The following DPP10 variants were observed in gnomAD, a reference collection of about 807,000 sequenced individuals.
DPP10 encodes the protein inactive dipeptidyl peptidase 10.
DPP10 carries 33 observed loss-of-function variants against 120.9 expected under a neutral mutation model. The ratio of observed to expected loss-of-function variants is 0.27; its 90% CI spans 0.21 to 0.37. The LOEUF (loss-of-function observed/expected upper bound fraction) is 0.37. DPP10 is among the 10% of genes least tolerant of loss of function. The pLI, the probability that DPP10 is intolerant of heterozygous loss-of-function variation, is 1.00. For synonymous variants in DPP10, 337 were observed against 326.1 expected, an observed-to-expected ratio of 1.03 and a Z score of -0.36; for missense variants, 816 against 942.8, an observed-to-expected ratio of 0.87 and a Z score of 1.76.
intron 1 of DPP10, among the ~76,000 whole-genome samples, chr2:114,445,936 C>G (rs1488351488): frequency 6.6e-6 from 1 of 152,134 alleles, no homozygotes; most frequent in Non-Finnish European, 1.5e-5. Flanking sequence ...ACTCTGAAAA[C>G]TTTCCTCCAT....
At position 115,162,336 on chromosome 2, in the gene DPP10, C is replaced by T. The variant is rs958709171; in HGVS notation, c.61-146903C>T. On this transcript the variant is annotated intron_variant, in intron 1 of 25. Transcript: ENST00000410059. ...GCCCACCGAGGGAGGGAGAGGCGGC[C>T]GGGACCAAGGAATGGGGCCTCTTGG... 2.8e-6 allele frequency: 4 copies of T among 1,446,466 alleles called. No individual in the cohort carries two copies. In the African/African-American group the frequency reaches 6.0e-5, roughly 22 times the overall value. The allele number at this position is 1,446,466 out of a possible 1,614,324, so 89.6% of individuals were successfully genotyped here.
chr2:115,455,517 T>TAAGCAAA (rs978594224), intron 3 of DPP10, among the ~76,000 whole-genome samples: 11 of 152,104 alleles, frequency 7.2e-5, no homozygotes, highest in Non-Finnish European at 1.0e-4. Flanking sequence ...AAGACAATCC[T>TAAGCAAA]AAGCAAAAAG....
chr2:115,682,311 G>A (rs2090716092), intron 5 of DPP10, among the ~76,000 whole-genome samples: 1 of 151,866 alleles, frequency 6.6e-6, no homozygotes, highest in Non-Finnish European at 1.5e-5. Context: ...AATTAATGAG[G>A]AGAGGTCTGG....
intron 1 of DPP10, among the ~76,000 whole-genome samples, chr2:115,207,787 C>CA (rs1559240819): frequency 6.8e-6 from 1 of 147,514 alleles, no homozygotes. Context: ...TTGGAGGATT[C>CA]TTTTTTTTTT....
chr2:115,349,994 G>C (rs2063921889), intron 3 of DPP10, among the ~76,000 whole-genome samples: 1 of 152,020 alleles, frequency 6.6e-6, no homozygotes, highest in Non-Finnish European at 1.5e-5. Flanking sequence ...CAAACTGATA[G>C]TTAAATAAAA....
At chr2:114,668,645 A>G (rs1052356587) in intron 1 of DPP10, among the ~76,000 whole-genome samples, 5 of 152,194 alleles carry the variant, frequency 3.3e-5, no homozygotes, top group African/African-American at 1.2e-4. Context: ...AGCCTAAGGT[A>G]AAACCTGATA....
chr2:115,745,069 G>T (rs999020295), intron 9 of DPP10, among the ~76,000 whole-genome samples: 1 of 150,146 alleles, frequency 6.7e-6, no homozygotes. Flanking sequence ...CATTCCAATT[G>T]CTTGAAATAT....
At chr2:114,768,254 C>T (rs549822759) in intron 1 of DPP10, among the ~76,000 whole-genome samples, 1 of 150,788 alleles carries the variant, frequency 6.6e-6, no homozygotes. Flanking sequence ...TCACAAAAGA[C>T]TTCCACCAAA....
At chr2:115,066,244 T>C (rs1706827680) in intron 1 of DPP10, among the ~76,000 whole-genome samples, 1 of 152,192 alleles carries the variant, frequency 6.6e-6, no homozygotes, top group African/African-American at 2.4e-5. Flanking sequence ...ATATTATTCT[T>C]TGCCAATTAT....
intron 5 of DPP10, among the ~76,000 whole-genome samples, chr2:115,634,336 A>G (rs1376680388): frequency 6.6e-6 from 1 of 152,048 alleles, no homozygotes; most frequent in East Asian, 1.9e-4. Context: ...CATCTTCAGG[A>G]GTTTATCCAG....
intron 1 of DPP10, among the ~76,000 whole-genome samples, chr2:115,090,039 CT>C (rs764418463): frequency 0.016 from 2,205 of 142,028 alleles, 36 homozygotes; most frequent in Admixed American, 0.039. Flanking sequence ...TGGGTCATTC[CT>C]TTTTTTTTTT....
chr2:115,597,938 C>A (rs2083086573), intron 5 of DPP10, among the ~76,000 whole-genome samples: 1 of 151,864 alleles, frequency 6.6e-6, no homozygotes, highest in African/African-American at 2.4e-5. Context: ...TTTGAAAATT[C>A]TAAACTTCAG....
intron 1 of DPP10, among the ~76,000 whole-genome samples, chr2:114,589,057 G>T: frequency 6.6e-6 from 1 of 150,396 alleles, no homozygotes; most frequent in East Asian, 1.9e-4. Flanking sequence ...GGTAGGGGAC[G>T]TACTGTTTAT....
At chr2:115,446,399 A>G (rs1165165723) in intron 3 of DPP10, among the ~76,000 whole-genome samples, 2 of 152,228 alleles carry the variant, frequency 1.3e-5, no homozygotes, top group African/African-American at 4.8e-5. Flanking sequence ...ACTGTCCTCC[A>G]GACCCCAGAA....
chr2:114,572,946 G>T (rs1429400690), intron 1 of DPP10, among the ~76,000 whole-genome samples: 3 of 152,166 alleles, frequency 2.0e-5, no homozygotes, highest in Non-Finnish European at 4.4e-5. Context: ...ATATTTAATG[G>T]ACAAACAAGT....
intron 5 of DPP10, among the ~76,000 whole-genome samples, chr2:115,642,214 A>G (rs777608479): frequency 9.2e-5 from 14 of 152,156 alleles, no homozygotes; most frequent in Non-Finnish European, 2.1e-4. Context: ...AAACACCGAG[A>G]TGGTTAATTC....
intron 1 of DPP10, among the ~76,000 whole-genome samples, chr2:114,468,713 T>G (rs1256538388): frequency 2.6e-5 from 4 of 152,186 alleles, no homozygotes; most frequent in African/African-American, 9.7e-5. Flanking sequence ...AACTGCATCT[T>G]GAATGCTGCT....
At chr2:115,255,214 A>C (rs2058931001) in intron 1 of DPP10, among the ~76,000 whole-genome samples, 1 of 152,172 alleles carries the variant, frequency 6.6e-6, no homozygotes, top group African/African-American at 2.4e-5. Flanking sequence ...CTGCAGGCTC[A>C]ACACCATGTG....
At chr2:114,905,156 T>A (rs924160189) in intron 1 of DPP10, among the ~76,000 whole-genome samples, 10 of 152,314 alleles carry the variant, frequency 6.6e-5, no homozygotes, top group Middle Eastern at 3.4e-3. Flanking sequence ...ATAATTTCTT[T>A]ATATTTTATC....
Sources: gnomAD v4.1 joint callset for allele counts (sites outside exome capture counted in the v4.1 genomes callset) on GRCh38, gnomAD v4.1.1 for gene constraint, MANE v1.5 for transcripts, NCBI Gene and HGNC (gene_info 2026-07-23, HGNC 2026-07-21) for gene names.